The following SPINK5 variants were observed in gnomAD, a reference collection of about 807,000 sequenced individuals.
SPINK5 encodes the protein serine protease inhibitor Kazal-type 5.
In SPINK5, 125 loss-of-function variants were observed where a neutral mutation model predicts 151.8. That is an observed-to-expected ratio of 0.82 (90% CI 0.71 to 0.96). The LOEUF (loss-of-function observed/expected upper bound fraction) is 0.96, where lower values mean the gene tolerates loss of function less well. Ranked by LOEUF, SPINK5 falls within the 40% of genes least tolerant of loss-of-function variation. The pLI, the probability that SPINK5 is intolerant of heterozygous loss-of-function variation, is 0.00. For missense variants in SPINK5, 1,194 were observed against 1,291.9 expected (o/e 0.92, Z 1.16); for synonymous variants, 374 against 395.3 (o/e 0.95, Z 0.64).
intron 30 of SPINK5, among the ~76,000 whole-genome samples, chr5:148,129,454 G>A (rs538169758): frequency 6.6e-6 from 1 of 151,970 alleles, no homozygotes; most frequent in East Asian, 1.9e-4. Context: ...TAAGATACTG[G>A]GTCTGTTTTG....
rs79205676 is a variant in SPINK5 at position 148,071,615 on chromosome 5, C to T, written c.210-533C>T. On this transcript the variant is annotated intron_variant, in intron 3 of 32. Transcript: ENST00000256084. ...CCTTAAGAGTCTAAAGACAGTTTAT[C>T]ATTTTGAAGTTATTCAATTATTATT... is the stretch of plus-strand genomic sequence containing the variant. Among the ~76,000 whole-genome samples, 1,388 of 151,956 alleles carry T rather than the reference C, an allele frequency of 9.1e-3. 28 individuals carry two copies. The highest frequency in any genetic ancestry group is 0.032 in the African/African-American group (1,317 of 41,480).
At chr5:148,072,088 GTTA>G in intron 3 of SPINK5, 57 bp from the exon 4 acceptor site, 1 of 1,513,428 alleles carries the variant, frequency 6.6e-7, no homozygotes. Flanking sequence ...CATGTTAGCT[GTTA>G]TTGTTAAAAG....
chr5:148,065,449 T>C lies in SPINK5; in HGVS notation c.81+77T>C, dbSNP rs2287771. On this transcript the variant is annotated intron_variant, in intron 2 of 32. Transcript: ENST00000256084. The stretch of plus-strand genomic sequence containing the variant: ...AAGTGGTTTGTGGCCAACACCTTCA[T>C]GTTAATAATACAAACATATTATACT... 0.072 allele frequency: 107,170 copies of C among 1,488,078 alleles called. 5,978 individuals are homozygous for C. Among genetic ancestry groups the C allele is most frequent in the East Asian group, 0.25 (11,030 of 43,920 alleles). 92.2% of individuals were successfully genotyped at this position (1,488,078 alleles called of 1,614,324 possible).
chr5:148,111,582 A>G (rs1305954279), intron 18 of SPINK5, among the ~76,000 whole-genome samples, 186 bp from the exon 19 acceptor site: 2 of 152,216 alleles, frequency 1.3e-5, no homozygotes, highest in Admixed American at 1.3e-4. Flanking sequence ...AATGAGATAA[A>G]TAACAGCAAT....
At position 148,089,497 on chromosome 5, in the gene SPINK5, G is replaced by A; in HGVS notation, c.478G>A (p.Val160Ile). Residue 160 changes from valine to isoleucine, a missense_variant, in exon 7 of 33, where the codon GTA becomes ATA. Transcript: ENST00000256084. ...ECKSSNPEQD[V>I]CSAFRPFVRD... Reference sequence around the variant, plus strand: ...AGTTCTTTTCCCTGTTCTTCAGGATGTATGCAGTGCTTTTCGGCCCTTTGT... The same window carrying A: ...AGTTCTTTTCCCTGTTCTTCAGGATATATGCAGTGCTTTTCGGCCCTTTGT... The A allele has an allele frequency of 6.2e-7, 1 of 1,611,730 alleles. No individual in the cohort carries two copies. Among genetic ancestry groups the A allele is most frequent in the African/African-American group, 1.3e-5 (1 of 74,818 alleles).
chr5:148,078,647 A>G (rs1027380576), intron 4 of SPINK5, among the ~76,000 whole-genome samples: 4 of 150,896 alleles, frequency 2.7e-5, no homozygotes, highest in African/African-American at 9.7e-5. Context: ...GAAAATCCCC[A>G]AATCTTTAGA....
In SPINK5 at chr5:148,099,261, G is replaced by T. The variant is rs1293397302; in HGVS notation, c.1038G>T (p.Lys346Asn). 1 of 1,611,738 alleles carries T rather than the reference G, an allele frequency of 6.2e-7. No homozygotes were observed. Among genetic ancestry groups the T allele is most frequent in the Admixed American group, 1.7e-5 (1 of 59,690 alleles). Residue 346 changes from lysine (K) to asparagine (N), a missense_variant, in exon 12 of 33, where the codon AAG becomes AAT. Transcript: ENST00000256084. ...YFQAENEEKKKAEARARNKRE... is the reference protein window; with the variant it reads ...YFQAENEEKKNAEARARNKRE... ...AAGCAGAAAATGAAGAAAAGAAAAA[G>T]GCTGAAGCACGAGCTAGAAACAAAA...
chr5:148,117,616 T>C (rs546136816), intron 22 of SPINK5, among the ~76,000 whole-genome samples: 85 of 152,354 alleles, frequency 5.6e-4, no homozygotes, highest in African/African-American at 1.7e-3. Flanking sequence ...CTGTGGGCTA[T>C]ACAATTGAAC....
intron 10 of SPINK5, 29 bp downstream of exon 10, chr5:148,095,934 C>A: frequency 6.4e-7 from 1 of 1,554,522 alleles, no homozygotes; most frequent in Non-Finnish European, 8.8e-7. Context: ...AATCTAGTTA[C>A]AACTTGTGTG....
chr5:148,103,002 C>A lies in SPINK5; in HGVS notation c.1430+1094C>A, dbSNP rs184464062. On this transcript the variant is annotated intron_variant, in intron 15 of 32. Coordinates refer to ENST00000256084, the MANE Select transcript of SPINK5 (RefSeq NM_006846.4). ...AACTCTTGATTTTTGACTAAAAAAA[C>A]CCCCATTTTATTTCCCATGTGCCAA... is the stretch of plus-strand genomic sequence containing the variant. Among the ~76,000 whole-genome samples, 461 of 152,052 alleles carry A rather than the reference C, an allele frequency of 3.0e-3. 6 individuals are homozygous for A. Among genetic ancestry groups the A allele is most frequent in the East Asian group, 1.4e-3 (7 of 5,162 alleles).
At chr5:148,074,044 A>AT (rs1371341444) in intron 4 of SPINK5, among the ~76,000 whole-genome samples, 1 of 151,812 alleles carries the variant, frequency 6.6e-6, no homozygotes, top group Non-Finnish European at 1.5e-5. Flanking sequence ...ATTTAAAAGG[A>AT]TTCATCCAAT....
chr5:148,131,222 C>A, intron 30 of SPINK5, 37 bp from the exon 31 acceptor site: 2 of 1,612,490 alleles, frequency 1.2e-6, no homozygotes, highest in Non-Finnish European at 1.7e-6. Context: ...TTCTTGAATG[C>A]CATAAAGTAC....
rs564006154 is a variant in SPINK5 at position 148,112,446 on chromosome 5, G to A, written c.1821-422G>A. On this transcript the variant is annotated intron_variant, in intron 19 of 32. Transcript: ENST00000256084. ...TTCTAGCACTTTGGGAGGCCGAGGC[G>A]GGCAGATGACGAGGTCAAGAGATCA... Among the ~76,000 whole-genome samples, 75 of 152,018 alleles carry A rather than the reference G, an allele frequency of 4.9e-4. 1 individual carries two copies. Among genetic ancestry groups the A allele is most frequent in the Middle Eastern group, 3.4e-3 (1 of 294 alleles).
chr5:148,117,593 G>A (rs1754128812), intron 22 of SPINK5, among the ~76,000 whole-genome samples: 1 of 152,182 alleles, frequency 6.6e-6, no homozygotes, highest in Admixed American at 6.5e-5. Flanking sequence ...ACAGGAAGCA[G>A]GAAAGATCTT....
intron 10 of SPINK5, among the ~76,000 whole-genome samples, chr5:148,096,664 G>A (rs1753468446): frequency 6.6e-6 from 1 of 150,756 alleles, no homozygotes; most frequent in Non-Finnish European, 1.5e-5. Flanking sequence ...GTTCTCCTAA[G>A]TAAGCCACTC....
rs1178957092 is a variant in SPINK5, at chr5:148,088,598, C to G, written c.467C>G (p.Pro156Arg). ...GAAGGGGAATGTAAGAGCAGTAATCCAGAGCAGGTGAGGTCAATTGTCAGC... is the reference window on the plus strand; with the variant it reads ...GAAGGGGAATGTAAGAGCAGTAATCGAGAGCAGGTGAGGTCAATTGTCAGC... ...KSEGECKSSN[P>R]EQDVCSAFRP... is the part of the protein sequence containing the mutation. The change falls in exon 6 of 33, where the codon CCA (proline) becomes CGA (arginine). Residue 156 changes from proline to arginine, a missense_variant. Physicochemically the swap from Pro to Arg is moderately radical, Grantham distance 103. Transcript: ENST00000256084. 6.2e-7 allele frequency: 1 copy of G among 1,611,428 alleles called. No homozygotes were observed. Among genetic ancestry groups the G allele is most frequent in the Non-Finnish European group, 8.5e-7 (1 of 1,178,434 alleles).
chr5:148,096,751 T>C (rs1403172023), intron 10 of SPINK5, among the ~76,000 whole-genome samples: 2 of 147,000 alleles, frequency 1.4e-5, no homozygotes, highest in Admixed American at 6.7e-5. Context: ...TCTTTTCTTT[T>C]CTTTTTTTTT....
intron 2 of SPINK5, among the ~76,000 whole-genome samples, chr5:148,069,598 G>A (rs1378719034): frequency 6.6e-6 from 1 of 152,058 alleles, no homozygotes; most frequent in Non-Finnish European, 1.5e-5. Flanking sequence ...GACATTTGTG[G>A]GGATGGTGGT....
At chr5:148,080,090 A>G (rs1257489062) in intron 4 of SPINK5, among the ~76,000 whole-genome samples, 2 of 151,268 alleles carry the variant, frequency 1.3e-5, no homozygotes, top group Non-Finnish European at 3.0e-5. Context: ...ATAATACAAA[A>G]TTGTATTTCT....
Sources: gnomAD v4.1 joint callset for allele counts (sites outside exome capture counted in the v4.1 genomes callset) on GRCh38, gnomAD v4.1.1 for gene constraint, MANE v1.5 for transcripts, NCBI Gene and HGNC (gene_info 2026-07-23, HGNC 2026-07-21) for gene names.